Variants in ISG20 observed in about 807,000 individuals in gnomAD.
ISG20 encodes the protein interferon-stimulated gene 20 kDa protein.
ISG20 carries 8 observed loss-of-function variants against 11.1 expected under a neutral mutation model. The ratio of observed to expected loss-of-function variants is 0.72; its 90% confidence interval spans 0.42 to 1.30. The LOEUF is 1.30. Ranked by LOEUF, ISG20 falls within the 50% of genes most tolerant of loss-of-function variation. The pLI, the probability that ISG20 is intolerant of heterozygous loss-of-function variation, is 0.01. For missense variants in ISG20, 243 were observed against 250.2 expected, an observed-to-expected ratio of 0.97 and a Z score of 0.19; for synonymous variants, 110 against 101.7, an observed-to-expected ratio of 1.08 and a Z score of -0.49.
At chr15:88,652,396 TCCCCCTCCTCCTCCCCCTCCTC>T in intron 3 of ISG20, 86 bp downstream of exon 3, 1 of 162,038 alleles carries the variant, frequency 6.2e-6, no homozygotes, top group African/African-American at 1.3e-4. Context: ...CTCCCCCTCC[TCCCCCTCCTCCTCCCCCTCCTC>T]CTCCCCCTCC....
chr15:88,639,224 C>G lies in ISG20; in HGVS notation c.-24-119C>G. The G allele has an allele frequency of 3.1e-6, 2 of 641,418 alleles. No homozygotes were observed. Among genetic ancestry groups the G allele is most frequent in the African/African-American group, 1.8e-5 (1 of 54,710 alleles). The allele number at this position is 641,418 out of a possible 1,614,324, so 39.7% of individuals were successfully genotyped here. ...GGCAAGAGGCCAGCTTCCACTGTGG[C>G]CAGGTGGTGTCGGAAACAAAGGGCA... On this transcript the variant is annotated intron_variant, in intron 1 of 3. Transcript: ENST00000306072. This position sits in a 1 kb window ranked among gnomAD's most constrained non-coding sequence, Gnocchi z 4.2.
Position 88,639,325 on chromosome 15 carries a change from C to A in ISG20, c.-24-18C>A. ...GTTTGCCCAAGCGTGAGACCGCCCC[C>A]CATACCCCTCTCTCCAGCATCTCTG... On this transcript the variant is annotated intron_variant, in intron 1 of 3. Coordinates refer to ENST00000306072, the MANE Select transcript of ISG20 (RefSeq NM_002201.6). The surrounding 1 kb of genome is among the most constrained non-coding windows in gnomAD (Gnocchi z 4.2). 1 of 1,504,404 alleles carries A rather than the reference C, an allele frequency of 6.6e-7. No homozygotes were observed. Among genetic ancestry groups the A allele is most frequent in the Non-Finnish European group, 9.1e-7 (1 of 1,100,512 alleles). The allele number at this position is 1,504,404 out of a possible 1,614,324, so 93.2% of individuals were successfully genotyped here.
Position 88,639,158 on chromosome 15 carries a change from G to A in ISG20, c.-25+82G>A, listed in dbSNP as rs576957559. Reference sequence around the variant, plus strand: ...CCCCAGGCTGCGGGGCAGGCCAGAGGCCCTGGGACACACGGGCAGGGTAAG... The same window carrying A: ...CCCCAGGCTGCGGGGCAGGCCAGAGACCCTGGGACACACGGGCAGGGTAAG... On this transcript the variant is annotated intron_variant, in intron 1 of 3. Transcript: ENST00000306072. This position sits in a 1 kb window ranked among gnomAD's most constrained non-coding sequence, Gnocchi z 4.2. 1.4e-5 allele frequency: 8 copies of A among 591,986 alleles called. No individual in the cohort carries two copies. The South Asian group carries it at 1.6e-4, about 12-fold the overall frequency. 36.7% of individuals were successfully genotyped at this position (591,986 alleles called of 1,614,324 possible).
chr15:88,647,261 A>G (rs2058193972), intron 2 of ISG20: 1 of 148,874 alleles, frequency 6.7e-6, no homozygotes, highest in Non-Finnish European at 1.5e-5. Flanking sequence ...ACCCCTTTTT[A>G]TTTATTGTAA....
rs984617060 is a variant in ISG20, at chr15:88,643,696, C to G, written c.228+4102C>G. Among the ~76,000 whole-genome samples, 1 of 152,114 alleles carries G rather than the reference C, an allele frequency of 6.6e-6. No homozygotes were observed. The highest frequency in any genetic ancestry group is 6.6e-5 in the Admixed American group (1 of 15,262). On this transcript the variant is annotated intron_variant, in intron 2 of 3. Coordinates refer to ENST00000306072, the MANE Select transcript of ISG20 (RefSeq NM_002201.6). This position sits in a 1 kb window ranked among gnomAD's most constrained non-coding sequence, Gnocchi z 4.4. ...CTCCAGCCTGGGCGACAGAGCAAGA[C>G]CCCATCTCAAAAAAAGAAAAAATTA...
chr15:88,653,232 A>G (rs1346770591), intron 3 of ISG20, among the ~76,000 whole-genome samples: 1 of 152,082 alleles, frequency 6.6e-6, no homozygotes, highest in African/African-American at 2.4e-5. Context: ...GATCATCAGC[A>G]CACATGGTAA....
At chr15:88,653,510 G>A (rs11853186) in intron 3 of ISG20, among the ~76,000 whole-genome samples, 74,423 of 151,984 alleles carry the variant, frequency 0.49, 19,386 homozygotes, top group Middle Eastern at 0.61. Flanking sequence ...TTAGCCTCAA[G>A]GCACATAAGG....
chr15:88,636,813 G>T (rs2057991842), upstream of ISG20, among the ~76,000 whole-genome samples: 1 of 152,182 alleles, frequency 6.6e-6, no homozygotes, highest in Non-Finnish European at 1.5e-5. Flanking sequence ...ATAGACACTA[G>T]CCATCGCCCT....
intron 3 of ISG20, among the ~76,000 whole-genome samples, chr15:88,652,787 A>G (rs2141406810): frequency 6.6e-6 from 1 of 150,442 alleles, no homozygotes; most frequent in South Asian, 2.1e-4. Flanking sequence ...TTTGTTGTTG[A>G]AATCAAGCCA....
chr15:88,656,255 C>T lies in ISG20; in HGVS notation c.*724C>T, dbSNP rs570592382. The T allele has an allele frequency of 2.0e-5, 3 of 152,068 alleles. No individual in the cohort carries two copies. The highest frequency in any genetic ancestry group is 6.6e-5 in the Admixed American group (1 of 15,266). 9.4% of individuals were successfully genotyped at this position (152,068 alleles called of 1,614,324 possible). A position where few individuals can be genotyped will look rare whatever the true frequency, so the allele number is the denominator to read the frequency against. ...CCTAGCTTAAGCACCCACCAGGTGT[C>T]GATAAGTAATTGTTCTTCCCTGGAC... On this transcript the variant is annotated 3_prime_UTR_variant, in exon 4 of 4. Transcript: ENST00000306072.
chr15:88,644,298 C>G (rs2058131136), intron 2 of ISG20, among the ~76,000 whole-genome samples: 1 of 151,714 alleles, frequency 6.6e-6, no homozygotes, highest in African/African-American at 2.4e-5. Flanking sequence ...CTTTGGGAGG[C>G]CGAGGTGGGC....
At chr15:88,635,640 T>G (rs1047443206), upstream of ISG20, among the ~76,000 whole-genome samples, 2 of 152,222 alleles carry the variant, frequency 1.3e-5, no homozygotes, top group African/African-American at 4.8e-5. Context: ...TCAGACTGCA[T>G]CCCGACATTG....
intron 3 of ISG20, among the ~76,000 whole-genome samples, chr15:88,654,300 C>T (rs968071491): frequency 4.6e-5 from 7 of 152,160 alleles, no homozygotes; most frequent in African/African-American, 1.7e-4. Context: ...ACCATGCTAC[C>T]TGCTTGCTGA....
At chr15:88,653,592 C>A (rs1467439897) in intron 3 of ISG20, among the ~76,000 whole-genome samples, 5 of 152,212 alleles carry the variant, frequency 3.3e-5, no homozygotes, top group Admixed American at 3.3e-4. Context: ...GGCCTTAAGC[C>A]TGACCCAGGG....
chr15:88,637,594 G>A (rs1163611049), upstream of ISG20, among the ~76,000 whole-genome samples: 1 of 152,116 alleles, frequency 6.6e-6, no homozygotes, highest in African/African-American at 2.4e-5. Context: ...CAGCTCAGGT[G>A]AGACAGAGCA....
chr15:88,651,063 GGT>G (rs1158811385), intron 2 of ISG20: 17 of 321,400 alleles, frequency 5.3e-5, no homozygotes, highest in African/African-American at 3.4e-4. Flanking sequence ...GTGCCTGGCT[GGT>G]GGCCGGACTT....
intron 2 of ISG20, 52 bp from the exon 3 acceptor site, chr15:88,652,058 C>A: frequency 6.2e-7 from 1 of 1,610,518 alleles, no homozygotes; most frequent in Non-Finnish European, 8.5e-7. Flanking sequence ...GCCCCAGCCC[C>A]ACCCAGAAGA....
intron 2 of ISG20, chr15:88,650,000 G>A: frequency 1.9e-6 from 1 of 531,574 alleles, no homozygotes; most frequent in East Asian, 3.4e-5. Context: ...TGCCAGGGGA[G>A]AACATGTAAA....
chr15:88,637,129 G>A (rs944861227), upstream of ISG20, among the ~76,000 whole-genome samples: 2 of 152,206 alleles, frequency 1.3e-5, no homozygotes, highest in African/African-American at 4.8e-5. Flanking sequence ...CTGGCCATCA[G>A]ACCTAGTCCT....
Sources: allele counts gnomAD v4.1 joint callset (sites outside exome capture counted in the v4.1 genomes callset), GRCh38; gene constraint gnomAD v4.1.1; non-coding constraint Gnocchi (gnomAD v3.1); transcripts MANE v1.5; gene names NCBI Gene and HGNC (gene_info 2026-07-23, HGNC 2026-07-21).